The following SYNE1 variants were observed in gnomAD, a reference collection of about 807,000 sequenced individuals.
SYNE1 encodes spectrin repeat containing nuclear envelope protein 1, also known as nesprin-1.
In SYNE1, 616 loss-of-function variants were observed where a neutral mutation model predicts 1,111.0. That is an observed-to-expected ratio of 0.55 (90% CI 0.52 to 0.59). SYNE1 has a LOEUF of 0.59. SYNE1 is among the 20% of genes least tolerant of loss of function. The pLI is 0.00. For missense variants in SYNE1, 10,006 were observed against 10,417.0 expected, an observed-to-expected ratio of 0.96 and a Z score of 1.72; for synonymous variants, 3,855 against 3,825.8, an observed-to-expected ratio of 1.01 and a Z score of -0.28.
chr6:152,171,173 A>T (rs1199065495), intron 130 of SYNE1, among the ~76,000 whole-genome samples: 2 of 152,232 alleles, frequency 1.3e-5, no homozygotes, highest in Non-Finnish European at 2.9e-5. Flanking sequence ...TAAACCACTA[A>T]TCATTCTTCT....
chr6:152,200,266 C>T (rs1391145134), intron 127 of SYNE1, among the ~76,000 whole-genome samples: 1 of 152,186 alleles, frequency 6.6e-6, no homozygotes, highest in African/African-American at 2.4e-5. Flanking sequence ...CCAGAGGCCT[C>T]AGTTTTCCCT....
At chr6:152,384,351 A>G (rs545304850) in intron 55 of SYNE1, among the ~76,000 whole-genome samples, 1 of 152,324 alleles carries the variant, frequency 6.6e-6, no homozygotes, top group African/African-American at 2.4e-5. Context: ...CTAGACTGCA[A>G]GTTCCTTAGG....
rs368832347 is a variant in SYNE1, at chr6:152,385,783, G to A, written c.8543C>T (p.Ala2848Val). 31 of 1,613,922 alleles carry A rather than the reference G, an allele frequency of 1.9e-5. No homozygotes were observed. Among genetic ancestry groups the A allele is most frequent in the Admixed American group, 1.0e-4 (6 of 59,998 alleles). ...IVKDHLMYLD[A>V]VHEFTDWLHS... ...GAGCCAATCTGTGAACTCGTGGACC[G>A]CATCTAAATACATTAGATGATCTTT... is the stretch of plus-strand genomic sequence containing the variant. The change falls in exon 55 of 146, where the codon GCG becomes GTG. Residue 2848 changes from alanine to valine, a missense_variant. Transcript: ENST00000367255.
At chr6:152,390,477 T>C (rs772780548) in intron 52 of SYNE1, 25 bp from the exon 53 acceptor site, 51 of 1,612,574 alleles carry the variant, frequency 3.2e-5, no homozygotes, top group Non-Finnish European at 3.8e-5. Flanking sequence ...AGAATACTCA[T>C]CAGTAGGCAT....
At chr6:152,316,645 G>C (rs369248606) in intron 87 of SYNE1, 7 of 610,578 alleles carry the variant, frequency 1.1e-5, no homozygotes, top group East Asian at 2.9e-5. Flanking sequence ...GAAGATCAAG[G>C]ATATTTATTT....
At position 152,485,168 on chromosome 6, in the gene SYNE1, T is replaced by G. The variant is rs1298930473; in HGVS notation, c.1048-196A>C. 2.0e-5 allele frequency among the ~76,000 whole-genome samples: 3 copies of G among 152,234 alleles called. No individual in the cohort carries two copies. In the East Asian group the frequency reaches 5.8e-4, roughly 29 times the overall value. On this transcript the variant is annotated intron_variant, in intron 12 of 145. Coordinates refer to ENST00000367255, the MANE Select transcript of SYNE1 (RefSeq NM_182961.4). Reference sequence around the variant, plus strand: ...TGACATAGCTTGACCCTGTGCTAAGTGCTTTCTTCATATTATCCTCTCTGG... The same window carrying G: ...TGACATAGCTTGACCCTGTGCTAAGGGCTTTCTTCATATTATCCTCTCTGG...
chr6:152,536,285 A>G (rs531639522), intron 4 of SYNE1, among the ~76,000 whole-genome samples: 3 of 147,720 alleles, frequency 2.0e-5, no homozygotes, highest in African/African-American at 7.5e-5. Flanking sequence ...CCCTTTATTA[A>G]AACAGCTTTT....
chr6:152,428,119 G>A, intron 37 of SYNE1, 86 bp downstream of exon 37: 1 of 1,553,174 alleles, frequency 6.4e-7, no homozygotes, highest in Non-Finnish European at 8.8e-7. Flanking sequence ...TTGCATCTGG[G>A]ATAACTACTC....
At position 152,542,229 on chromosome 6, in the gene SYNE1, G is replaced by A. The variant is rs916478443; in HGVS notation, c.68-2208C>T. On this transcript the variant is annotated intron_variant, in intron 3 of 145. Coordinates refer to ENST00000367255, the MANE Select transcript of SYNE1 (RefSeq NM_182961.4). ...GTAAAGCCCAGGAGGACAGCAACTT[G>A]GTTCCCAATGCCTGCAAGTATGACC... Among the ~76,000 whole-genome samples, 12 of 152,208 alleles carry A rather than the reference G, an allele frequency of 7.9e-5. 1 individual carries two copies. The highest frequency in any genetic ancestry group is 7.8e-4 in the Admixed American group (12 of 15,298).
intron 3 of SYNE1, among the ~76,000 whole-genome samples, chr6:152,600,245 T>C (rs1463744404): frequency 1.3e-5 from 2 of 152,290 alleles, no homozygotes; most frequent in East Asian, 1.9e-4. Context: ...TAAGGAACAG[T>C]TGCCATGACC....
At chr6:152,137,633 T>G (rs188278193) in intron 140 of SYNE1, among the ~76,000 whole-genome samples, 22 of 152,286 alleles carry the variant, frequency 1.4e-4, no homozygotes, top group Non-Finnish European at 2.2e-4. Context: ...AGGTACTGTT[T>G]AAAATCCCCC....
In SYNE1 at chr6:152,232,159, G is replaced by T; in HGVS notation, c.20819C>A (p.Ser6940Tyr). ...IQKDEDNIKN[S>Y]IGYKAIHEYL... Reference sequence around the variant, plus strand: ...TTCATGAATTGCCTTGTAACCTATGGAATTTTTAATATTATCTTCATCCTT... The same window carrying T: ...TTCATGAATTGCCTTGTAACCTATGTAATTTTTAATATTATCTTCATCCTT... The change falls in exon 113 of 146, where the codon TCC (serine) becomes TAC (tyrosine). Residue 6940 changes from serine (S) to tyrosine (Y), a missense_variant. By Grantham distance (144) the Ser-to-Tyr change is moderately radical (BLOSUM62 -2). Coordinates refer to ENST00000367255, the MANE Select transcript of SYNE1 (RefSeq NM_182961.4). The T allele has an allele frequency of 6.2e-7, 1 of 1,606,800 alleles. No individual in the cohort carries two copies. The highest frequency in any genetic ancestry group is 1.1e-5 in the South Asian group (1 of 90,884).
In SYNE1 at chr6:152,180,321, G is replaced by A. The variant is rs73617331; in HGVS notation, c.23302-27C>T. ...TGAAAAGTTTAAAATGGGAGAATAG[G>A]CAAAATGATTATCAGAGAGAAGACC... is the stretch of plus-strand genomic sequence containing the variant. On this transcript the variant is annotated intron_variant, in intron 128 of 145. Coordinates refer to ENST00000367255, the MANE Select transcript of SYNE1 (RefSeq NM_182961.4). The A allele has an allele frequency of 6.6e-3, 10,613 of 1,611,924 alleles. 457 individuals are homozygous for A. In the African/African-American group the frequency reaches 0.11, roughly 17 times the overall value.
At chr6:152,352,983 A>G (rs374684837) in intron 69 of SYNE1, among the ~76,000 whole-genome samples, 4 of 152,216 alleles carry the variant, frequency 2.6e-5, no homozygotes, top group East Asian at 3.8e-4. Context: ...AATTTGAGAG[A>G]GAAAGTTTTC....
intron 3 of SYNE1, among the ~76,000 whole-genome samples, chr6:152,581,537 A>G (rs1218212141): frequency 1.3e-5 from 2 of 152,230 alleles, no homozygotes; most frequent in African/African-American, 4.8e-5. Flanking sequence ...TATAGCAGAC[A>G]TAAGCACACC....
intron 21 of SYNE1, among the ~76,000 whole-genome samples, chr6:152,461,308 C>T (rs2154265069): frequency 6.6e-6 from 1 of 152,248 alleles, no homozygotes; most frequent in Middle Eastern, 3.4e-3. Context: ...CTCTTTATCT[C>T]TCTTTCCCTC....
chr6:152,181,698 T>G (rs1027058059), intron 128 of SYNE1, among the ~76,000 whole-genome samples: 1 of 152,238 alleles, frequency 6.6e-6, no homozygotes, highest in Non-Finnish European at 1.5e-5. Context: ...ATTGCATTTA[T>G]CAACTCATCT....
At chr6:152,135,329 G>T in intron 141 of SYNE1, 97 bp from the exon 142 acceptor site, 1 of 1,419,240 alleles carries the variant, frequency 7.0e-7, no homozygotes, top group Non-Finnish European at 9.7e-7. Flanking sequence ...AACATACTTG[G>T]TTTTAAGAAC....
At chr6:152,211,053 C>A (rs1466518182) in intron 124 of SYNE1, among the ~76,000 whole-genome samples, 24 of 152,162 alleles carry the variant, frequency 1.6e-4, no homozygotes, top group African/African-American at 2.4e-5. Flanking sequence ...CTGGTCAAAT[C>A]AGTTCACATT....
Sources: allele counts gnomAD v4.1 joint callset (sites outside exome capture counted in the v4.1 genomes callset), GRCh38; gene constraint gnomAD v4.1.1; transcripts MANE v1.5; gene names NCBI Gene and HGNC (gene_info 2026-07-23, HGNC 2026-07-21).